Variants in ZNF521 observed in about 807,000 individuals in gnomAD.
The protein encoded by ZNF521 is LYST-interacting protein 3.
In ZNF521, 14 loss-of-function variants were observed where a neutral mutation model predicts 105.5. That is an observed-to-expected ratio of 0.13 (90% CI 0.09 to 0.21). The LOEUF (loss-of-function observed/expected upper bound fraction) is 0.21. Ranked by LOEUF, ZNF521 falls within the 10% of genes least tolerant of loss-of-function variation. The pLI is 1.00. For missense variants in ZNF521, 1,233 were observed against 1,629.7 expected (o/e 0.76, Z 4.19); for synonymous variants, 635 against 606.0 (o/e 1.05, Z -0.70).
chr18:25,194,121 C>T (rs1429128132), intron 5 of ZNF521, among the ~76,000 whole-genome samples: 1 of 151,784 alleles, frequency 6.6e-6, no homozygotes, highest in Admixed American at 6.6e-5. Flanking sequence ...TACAATCAAA[C>T]TTATTCCCCC....
intron 3 of ZNF521, among the ~76,000 whole-genome samples, chr18:25,266,140 T>A (rs776025933): frequency 6.6e-6 from 1 of 152,174 alleles, no homozygotes; most frequent in Non-Finnish European, 1.5e-5. Flanking sequence ...ACAGGGTGAC[T>A]ATAGTCAATA....
At position 25,227,527 on chromosome 18, in the gene ZNF521, T is replaced by C. The variant is rs377663212; in HGVS notation, c.391A>G (p.Ser131Gly). Reference sequence around the variant, plus strand: ...CTCTGCTCATGGTGCTTTAGGTAGCTGAGGCGGCTAAACGACTTGTCACAG... The same window carrying C: ...CTCTGCTCATGGTGCTTTAGGTAGCCGAGGCGGCTAAACGACTTGTCACAG... ...QFCDKSFSRLSYLKHHEQSHS... is the reference protein window; with the variant it reads ...QFCDKSFSRLGYLKHHEQSHS... The change falls in exon 4 of 8, where the codon AGC becomes GGC. Residue 131 changes from serine to glycine, a missense_variant. By Grantham distance (56) the Ser-to-Gly change is moderately conservative. Around this residue, in one of 6 missense-constraint regions of ZNF521, gnomAD observed 85 missense variants for 162.2 expected, o/e 0.52. Transcript: ENST00000361524. The surrounding 1 kb of genome is among the most constrained non-coding windows in gnomAD (Gnocchi z 5.7). 6.2e-6 allele frequency: 10 copies of C among 1,614,166 alleles called. No homozygotes were observed. The highest frequency in any genetic ancestry group is 8.5e-6 in the Non-Finnish European group (10 of 1,180,022).
chr18:25,222,052 A>C (rs886123419), intron 4 of ZNF521, among the ~76,000 whole-genome samples: 1 of 152,174 alleles, frequency 6.6e-6, no homozygotes, highest in Admixed American at 6.5e-5. Flanking sequence ...CTTTTGAGGC[A>C]CTAAGAAATA....
chr18:25,107,148 C>T (rs909894038), intron 5 of ZNF521, among the ~76,000 whole-genome samples: 1 of 152,176 alleles, frequency 6.6e-6, no homozygotes, highest in African/African-American at 2.4e-5. Flanking sequence ...TTGCCTTCGT[C>T]AAATCATCTA....
chr18:25,089,091 T>A (rs1403236213), intron 7 of ZNF521, among the ~76,000 whole-genome samples: 2 of 152,160 alleles, frequency 1.3e-5, no homozygotes, highest in Non-Finnish European at 2.9e-5. Flanking sequence ...AGGACAACAA[T>A]AACCTGGACA....
At chr18:25,208,839 C>T (rs1451814133) in intron 4 of ZNF521, among the ~76,000 whole-genome samples, 1 of 152,206 alleles carries the variant, frequency 6.6e-6, no homozygotes, top group Non-Finnish European at 1.5e-5. Context: ...CCACACACCA[C>T]TGAACCCATT....
chr18:25,167,468 C>A (rs997097560), intron 5 of ZNF521, among the ~76,000 whole-genome samples: 3 of 152,152 alleles, frequency 2.0e-5, no homozygotes, highest in African/African-American at 7.2e-5. Flanking sequence ...CAAAACCTAC[C>A]TGACCAAAAT....
chr18:25,339,440 T>C (rs1457425921), intron 2 of ZNF521, among the ~76,000 whole-genome samples: 5 of 152,218 alleles, frequency 3.3e-5, no homozygotes, highest in African/African-American at 9.6e-5. Context: ...TGTTAAATAG[T>C]CTCATTAACA....
intron 5 of ZNF521, among the ~76,000 whole-genome samples, chr18:25,121,189 G>A (rs2034434556): frequency 7.4e-6 from 1 of 135,688 alleles, no homozygotes; most frequent in African/African-American, 2.8e-5. Flanking sequence ...TCGGCTCACT[G>A]CAAACTCCGC....
At chr18:25,251,669 C>T (rs1258154190) in intron 3 of ZNF521, among the ~76,000 whole-genome samples, 1 of 152,180 alleles carries the variant, frequency 6.6e-6, no homozygotes, top group African/African-American at 2.4e-5. Flanking sequence ...TCCCAGAACC[C>T]TCTGCAGTAT....
At chr18:25,187,715 CT>C (rs1321265714) in intron 5 of ZNF521, among the ~76,000 whole-genome samples, 4 of 152,124 alleles carry the variant, frequency 2.6e-5, no homozygotes, top group Non-Finnish European at 5.9e-5. Context: ...CCATTGAGGA[CT>C]TCGCAGCCTC....
chr18:25,291,432 A>T (rs1397439471), intron 3 of ZNF521, among the ~76,000 whole-genome samples: 1 of 152,176 alleles, frequency 6.6e-6, no homozygotes, highest in East Asian at 1.9e-4. Context: ...ATCCCTTGCT[A>T]TTGTCACTCA....
intron 4 of ZNF521, chr18:25,201,203 G>A (rs1294456205): frequency 2.6e-5 from 4 of 151,876 alleles, no homozygotes; most frequent in Admixed American, 2.6e-4. Flanking sequence ...AAATCACAGA[G>A]GCAACACATG....
intron 3 of ZNF521, among the ~76,000 whole-genome samples, chr18:25,234,335 T>A (rs1330794876): frequency 6.6e-6 from 1 of 152,218 alleles, no homozygotes; most frequent in Non-Finnish European, 1.5e-5. Context: ...GTATTCTTTT[T>A]ATTCTCTACT....
At chr18:25,347,370 C>T (rs1568092191) in intron 2 of ZNF521, among the ~76,000 whole-genome samples, 1 of 152,156 alleles carries the variant, frequency 6.6e-6, no homozygotes, top group Non-Finnish European at 1.5e-5. Context: ...ATAAGTTTGT[C>T]AACTTTGTAT....
At chr18:25,244,444 A>C (rs1423248448) in intron 3 of ZNF521, among the ~76,000 whole-genome samples, 1 of 152,068 alleles carries the variant, frequency 6.6e-6, no homozygotes. Flanking sequence ...CTGACCACTA[A>C]AACTTCAGCT....
intron 2 of ZNF521, among the ~76,000 whole-genome samples, chr18:25,337,728 ATTATCT>A (rs1913970195): frequency 6.6e-6 from 1 of 152,200 alleles, no homozygotes; most frequent in South Asian, 2.1e-4. Flanking sequence ...TTAAATGCAC[ATTATCT>A]TTAACCAGCA....
intron 3 of ZNF521, among the ~76,000 whole-genome samples, chr18:25,281,349 G>T (rs1428443865): frequency 1.3e-5 from 2 of 152,180 alleles, no homozygotes; most frequent in African/African-American, 4.8e-5. Context: ...CCTCATTCCT[G>T]CACACAGAAG....
intron 2 of ZNF521, among the ~76,000 whole-genome samples, chr18:25,349,178 C>A (rs898454428): frequency 1.3e-5 from 2 of 152,150 alleles, no homozygotes; most frequent in Non-Finnish European, 2.9e-5. Flanking sequence ...GAAAGTTCTT[C>A]TTTCCAAGTG....
Sources: allele counts gnomAD v4.1 joint callset (sites outside exome capture counted in the v4.1 genomes callset), GRCh38; gene constraint gnomAD v4.1.1; regional missense constraint gnomAD v4.1.1; non-coding constraint Gnocchi (gnomAD v3.1); transcripts MANE v1.5; gene names NCBI Gene and HGNC (gene_info 2026-07-23, HGNC 2026-07-21).